Variants in HYAL4 observed in about 807,000 individuals in gnomAD.
The protein encoded by HYAL4 is hyaluronidase 4.
A neutral mutation model predicts 35.2 loss-of-function variants in HYAL4; 37 were observed. The observed-to-expected ratio is 1.05, with a 90% CI of 0.81 to 1.38. The LOEUF is 1.38. Among genes scored for constraint, HYAL4 ranks in the 40% most tolerant of loss-of-function variants. The pLI, the probability that HYAL4 is intolerant of heterozygous loss-of-function variation, is 0.00. For missense variants in HYAL4, 572 were observed against 572.4 expected, an observed-to-expected ratio of 1.00 and a Z score of 0.01; for synonymous variants, 198 against 203.2, an observed-to-expected ratio of 0.97 and a Z score of 0.22.
chr7:123,823,731 A>ATATATACACATATATATTT, the HYAL4 span, among the ~76,000 whole-genome samples: 1 of 20,832 alleles, frequency 4.8e-5, no homozygotes, highest in South Asian at 9.2e-4. Flanking sequence ...TATATATTTT[A>ATATATACACATATATATTT]TATATATATA....
chr7:123,864,090 G>A (rs1806636005), intron 2 of HYAL4, among the ~76,000 whole-genome samples: 3 of 152,148 alleles, frequency 2.0e-5, no homozygotes. Flanking sequence ...TGCTGCTTTT[G>A]CCACATTTGT....
At chr7:123,839,435 C>T (rs1327851001) in intron 1 of HYAL4, among the ~76,000 whole-genome samples, 10 of 152,082 alleles carry the variant, frequency 6.6e-5, no homozygotes, top group Non-Finnish European at 1.3e-4. Context: ...TGAATAGTGC[C>T]GCAATAAACA....
chr7:123,816,043 G>C, the HYAL4 span, among the ~76,000 whole-genome samples: 1,869 of 152,194 alleles, frequency 0.012, 34 homozygotes, highest in African/African-American at 0.043. Flanking sequence ...CAAAAATTTG[G>C]AAGAATCTCA....
chr7:123,817,416 G>C, the HYAL4 span, among the ~76,000 whole-genome samples: 5 of 151,836 alleles, frequency 3.3e-5, no homozygotes, highest in African/African-American at 1.2e-4. Flanking sequence ...CCTTTGTTGA[G>C]GCATCATCAT....
chr7:123,801,052 C>A, the HYAL4 span, among the ~76,000 whole-genome samples: 4 of 152,118 alleles, frequency 2.6e-5, no homozygotes, highest in Non-Finnish European at 4.4e-5. Context: ...TGGTGGCTCA[C>A]TTCTGTAATC....
rs765109595 is a variant in HYAL4 at position 123,868,792 on chromosome 7, T to C, written c.519T>C (p.Asp173=). The part of the protein sequence containing the change: ...YRQKSRKLIS[D]MGKNVSATDI... ...AGAAGTCAAGAAAGCTTATTTCCGA[T>C]ATGGGAAAGAATGTATCAGCTACCG... The change falls in exon 3 of 5, where the codon GAT becomes GAC. Residue 173 remains aspartate (D), a synonymous_variant. Transcript: ENST00000223026. The C allele has an allele frequency of 3.1e-6, 5 of 1,614,160 alleles. No homozygotes were observed. Among genetic ancestry groups the C allele is most frequent in the Middle Eastern group, 1.6e-4 (1 of 6,062 alleles).
At chr7:123,844,771 C>T (rs934382146), upstream of HYAL4, among the ~76,000 whole-genome samples, 5 of 152,292 alleles carry the variant, frequency 3.3e-5, no homozygotes, top group Admixed American at 1.3e-4. Context: ...GCTGCTGCCT[C>T]ACAGTTCAAT....
At chr7:123,854,253 GTCT>G (rs1806378676) in intron 2 of HYAL4, among the ~76,000 whole-genome samples, 1 of 151,902 alleles carries the variant, frequency 6.6e-6, no homozygotes, top group East Asian at 1.9e-4. Context: ...ATTATTTCTT[GTCT>G]TCTTCTAGCT....
At chr7:123,864,572 G>GT (rs1397355394) in intron 2 of HYAL4, among the ~76,000 whole-genome samples, 5 of 152,074 alleles carry the variant, frequency 3.3e-5, no homozygotes, top group African/African-American at 1.2e-4. Flanking sequence ...AATTGCACAG[G>GT]TTGCTATGCT....
chr7:123,783,632 C>G, the HYAL4 span, among the ~76,000 whole-genome samples: 1 of 152,068 alleles, frequency 6.6e-6, no homozygotes, highest in African/African-American at 2.4e-5. Flanking sequence ...TTGCACAATT[C>G]CAGTAGAGAC....
chr7:123,782,348 A>G, the HYAL4 span, among the ~76,000 whole-genome samples: 1 of 152,198 alleles, frequency 6.6e-6, no homozygotes, highest in Non-Finnish European at 1.5e-5. Context: ...GAAAAGAGCT[A>G]TAAGAATGGT....
chr7:123,855,405 AAAATC>A (rs1806413939), intron 2 of HYAL4, among the ~76,000 whole-genome samples: 1 of 152,130 alleles, frequency 6.6e-6, no homozygotes, highest in Admixed American at 6.5e-5. Flanking sequence ...TGATGGTAAC[AAAATC>A]CCTCAGCGTT....
At chr7:123,803,364 A>G in the HYAL4 span, among the ~76,000 whole-genome samples, 1 of 152,258 alleles carries the variant, frequency 6.6e-6, no homozygotes, top group Non-Finnish European at 1.5e-5. Context: ...CGCCTTCACT[A>G]GACTGATTTA....
the HYAL4 span, among the ~76,000 whole-genome samples, chr7:123,818,715 C>T: frequency 1.3e-5 from 2 of 152,028 alleles, no homozygotes; most frequent in Non-Finnish European, 2.9e-5. Context: ...GGCAGTATCA[C>T]CTTTTCCAAT....
At chr7:123,766,220 T>A in the HYAL4 span, among the ~76,000 whole-genome samples, 5 of 152,198 alleles carry the variant, frequency 3.3e-5, no homozygotes, top group Non-Finnish European at 7.4e-5. Flanking sequence ...TAATTGTAAT[T>A]GCTACAGAAT....
the HYAL4 span, among the ~76,000 whole-genome samples, chr7:123,786,570 G>GT: frequency 6.6e-6 from 1 of 151,602 alleles, no homozygotes; most frequent in African/African-American, 2.4e-5. Context: ...GTATGCATCA[G>GT]TTTTAAGACA....
At chr7:123,814,497 G>A in the HYAL4 span, 2 of 152,620 alleles carry the variant, frequency 1.3e-5, no homozygotes, top group Non-Finnish European at 2.9e-5. Context: ...ATTGGAGAAG[G>A]TGTCCCTTGG....
At chr7:123,819,557 A>G in the HYAL4 span, 1 of 152,222 alleles carries the variant, frequency 6.6e-6, no homozygotes, top group East Asian at 1.9e-4. Flanking sequence ...TGAAATTCAA[A>G]AAGTACAGGG....
At chr7:123,793,006 G>A in the HYAL4 span, among the ~76,000 whole-genome samples, 1 of 152,178 alleles carries the variant, frequency 6.6e-6, no homozygotes, top group Non-Finnish European at 1.5e-5. Context: ...AGACTGGTGT[G>A]TGGATGCCTT....
Sources: gnomAD v4.1 joint callset for allele counts (sites outside exome capture counted in the v4.1 genomes callset) on GRCh38, gnomAD v4.1.1 for gene constraint, MANE v1.5 for transcripts, NCBI Gene and HGNC (gene_info 2026-07-23, HGNC 2026-07-21) for gene names.